The following TOX3 variants were observed in gnomAD, a reference collection of about 807,000 sequenced individuals.
TOX3 encodes the protein CAG trinucleotide repeat-containing gene F9 protein.
A neutral mutation model predicts 64.3 loss-of-function variants in TOX3; 22 were observed. The ratio of observed to expected loss-of-function variants is 0.34; its 90% confidence interval spans 0.24 to 0.49. TOX3 has a LOEUF of 0.49. Among genes scored for constraint, TOX3 ranks in the 20% least tolerant of loss-of-function variants. TOX3 has a pLI of 0.99. For missense variants in TOX3, 661 were observed against 714.4 expected, an observed-to-expected ratio of 0.93 and a Z score of 0.85; for synonymous variants, 291 against 273.6, an observed-to-expected ratio of 1.06 and a Z score of -0.63.
At chr16:52,516,380 A>G (rs1462589393) in intron 1 of TOX3, among the ~76,000 whole-genome samples, 1 of 152,202 alleles carries the variant, frequency 6.6e-6, no homozygotes, top group Non-Finnish European at 1.5e-5. Flanking sequence ...AGGGAACTGG[A>G]TTCATCAGTT....
intron 1 of TOX3, among the ~76,000 whole-genome samples, chr16:52,530,587 T>C (rs1962829222): frequency 6.6e-6 from 1 of 152,072 alleles, no homozygotes; most frequent in Admixed American, 6.6e-5. Context: ...CCTCAGGTGA[T>C]ATGCCCTGCC....
rs1428419441 is a variant in TOX3, at chr16:52,546,711, A to G, written c.13T>C (p.Phe5Leu). ...GGGTCCCCGGCCGCCGCGGGGTAGA[A>G]CCTCACATCCATGCCGAAGCTGGGC... Reference protein sequence around the residue: MDVRFYPAAAGDPAS... With the variant: MDVRLYPAAAGDPAS... Residue 5 changes from phenylalanine to leucine, a missense_variant, in exon 1 of 7, where the codon TTC becomes CTC. By Grantham distance (22) the Phe-to-Leu change is conservative. This residue lies in a region of TOX3 where 259 missense variants were observed against 261.2 expected (regional missense o/e 0.99). Coordinates refer to ENST00000219746, the MANE Select transcript of TOX3 (RefSeq NM_001080430.4). 3 of 1,530,854 alleles carry G rather than the reference A, an allele frequency of 2.0e-6. No homozygotes were observed. The highest frequency in any genetic ancestry group is 2.6e-6 in the Non-Finnish European group (3 of 1,143,174). 94.8% of individuals were successfully genotyped at this position (1,530,854 alleles called of 1,614,324 possible).
intron 1 of TOX3, among the ~76,000 whole-genome samples, chr16:52,492,500 TATATA>T (rs1296747405): frequency 2.1e-5 from 3 of 142,844 alleles, no homozygotes; most frequent in African/African-American, 7.7e-5. Context: ...ATATGATATA[TATATA>T]ATATTATATA....
At chr16:52,504,224 TGG>T (rs982736989) in intron 1 of TOX3, among the ~76,000 whole-genome samples, 17 of 151,972 alleles carry the variant, frequency 1.1e-4, no homozygotes, top group South Asian at 2.1e-4. Flanking sequence ...CCCAGCACTT[TGG>T]GTGGCTGAGG....
intron 3 of TOX3, among the ~76,000 whole-genome samples, chr16:52,463,363 C>T (rs1960752369): frequency 6.6e-6 from 1 of 152,160 alleles, no homozygotes. Flanking sequence ...GTTATCTTGG[C>T]TCTCTGGAGT....
rs555654676 is a variant in TOX3 at position 52,451,117 on chromosome 16, ATC to A, written c.409-573_409-572del. ...AGAGCTTTAGTTTCACAGAGCAAAC[ATC>A]TGTTTGCTTTAGGGCACCCTTTCTG... is the stretch of plus-strand genomic sequence containing the variant. On this transcript the variant is annotated intron_variant, in intron 3 of 6. Transcript: ENST00000219746. Among the ~76,000 whole-genome samples the A allele has an allele frequency of 2.8e-3, 432 of 152,328 alleles. 2 individuals are homozygous for A. The highest frequency in any genetic ancestry group is 9.4e-3 in the African/African-American group (389 of 41,584).
chr16:52,546,023 C>T (rs1019987659), intron 1 of TOX3, among the ~76,000 whole-genome samples: 1 of 152,230 alleles, frequency 6.6e-6, no homozygotes, highest in Non-Finnish European at 1.5e-5. Flanking sequence ...AAGCCACTTA[C>T]TCTAAGCGGG....
At chr16:52,475,804 A>G (rs1961189947) in intron 1 of TOX3, among the ~76,000 whole-genome samples, 2 of 152,154 alleles carry the variant, frequency 1.3e-5, no homozygotes, top group African/African-American at 2.4e-5. Context: ...GGACTGCAGA[A>G]CAACCAGATG....
chr16:52,508,893 A>G (rs1962229731), intron 1 of TOX3, among the ~76,000 whole-genome samples: 1 of 152,206 alleles, frequency 6.6e-6, no homozygotes, highest in South Asian at 2.1e-4. Flanking sequence ...CAGAGGTATA[A>G]AATGCAATAA....
chr16:52,497,515 GA>G (rs1205865027), intron 1 of TOX3, among the ~76,000 whole-genome samples: 2 of 152,208 alleles, frequency 1.3e-5, no homozygotes, highest in Non-Finnish European at 2.9e-5. Context: ...AAAGGCTGCA[GA>G]AAATGGTATT....
chr16:52,442,396 G>A (rs1040084203), intron 6 of TOX3, among the ~76,000 whole-genome samples: 14 of 152,262 alleles, frequency 9.2e-5, no homozygotes, highest in Admixed American at 7.2e-4. Flanking sequence ...TGGGCACAAA[G>A]ATCGACTTCA....
At position 52,546,745 on chromosome 16, in the gene TOX3, G is replaced by A. The variant is rs1359873089; in HGVS notation, c.-22C>T. On this transcript the variant is annotated 5_prime_UTR_variant, in exon 1 of 7. Coordinates refer to ENST00000219746, the MANE Select transcript of TOX3 (RefSeq NM_001080430.4). ...CCATGCCGAAGCTGGGCCCGGGGCC[G>A]GGGGCCGGGACTGGGGTTCGCCGGG... The A allele has an allele frequency of 6.0e-6, 9 of 1,496,114 alleles. No individual in the cohort carries two copies. Among genetic ancestry groups the A allele is most frequent in the Non-Finnish European group, 8.0e-6 (9 of 1,126,974 alleles). The allele number at this position is 1,496,114 out of a possible 1,614,324, so 92.7% of individuals were successfully genotyped here. A position where few individuals can be genotyped will look rare whatever the true frequency, so the allele number is the denominator to read the frequency against.
chr16:52,485,726 T>C (rs1961513241), intron 1 of TOX3, among the ~76,000 whole-genome samples: 1 of 151,810 alleles, frequency 6.6e-6, no homozygotes, highest in Non-Finnish European at 1.5e-5. Flanking sequence ...GTTAGGAAAA[T>C]TGTGCCTCAG....
intron 1 of TOX3, among the ~76,000 whole-genome samples, chr16:52,522,617 G>C (rs1962635303): frequency 6.6e-6 from 1 of 152,152 alleles, no homozygotes; most frequent in Non-Finnish European, 1.5e-5. Context: ...TGTCCTCTGT[G>C]TGCAGGACAG....
chr16:52,462,867 A>G (rs1040661349), intron 3 of TOX3, among the ~76,000 whole-genome samples: 15 of 152,134 alleles, frequency 9.9e-5, no homozygotes, highest in Non-Finnish European at 2.1e-4. Context: ...AAAAATAAAA[A>G]CCCTGATGTT....
chr16:52,498,834 C>A (rs1015770944), intron 1 of TOX3, among the ~76,000 whole-genome samples: 1 of 152,138 alleles, frequency 6.6e-6, no homozygotes, highest in Non-Finnish European at 1.5e-5. Context: ...ACAAGCACAC[C>A]CTGCGCCATC....
intron 1 of TOX3, chr16:52,519,600 AC>A (rs1962550219): frequency 7.0e-7 from 1 of 1,419,732 alleles, no homozygotes; most frequent in Non-Finnish European, 9.2e-7. Context: ...GAAAAAAAAA[AC>A]AACATGGTTG....
intron 1 of TOX3, among the ~76,000 whole-genome samples, chr16:52,532,204 A>G (rs1197748722): frequency 6.6e-6 from 1 of 152,200 alleles, no homozygotes; most frequent in African/African-American, 2.4e-5. Flanking sequence ...ACCTCTGTCT[A>G]TCCATGCCCT....
At chr16:52,507,050 A>C (rs1962179196) in intron 1 of TOX3, among the ~76,000 whole-genome samples, 1 of 152,216 alleles carries the variant, frequency 6.6e-6, no homozygotes, top group Admixed American at 6.5e-5. Flanking sequence ...GTTCACATGT[A>C]ATGTTAAAAT....
Sources: allele counts gnomAD v4.1 joint callset (sites outside exome capture counted in the v4.1 genomes callset), GRCh38; gene constraint gnomAD v4.1.1; regional missense constraint gnomAD v4.1.1; transcripts MANE v1.5; gene names NCBI Gene and HGNC (gene_info 2026-07-23, HGNC 2026-07-21).